GRIA3: variants seen among roughly 807,000 people sequenced by gnomAD.
GRIA3 encodes glutamate ionotropic receptor AMPA type subunit 3.
A neutral mutation model predicts 63.0 loss-of-function variants in GRIA3; 3 were observed. The observed-to-expected ratio is 0.05, with a 90% CI of 0.02 to 0.12. The LOEUF (loss-of-function observed/expected upper bound fraction) is 0.12, where lower values mean the gene tolerates loss of function less well. GRIA3 is among the 10% of genes least tolerant of loss of function. The pLI is 1.00. For synonymous variants in GRIA3, 274 were observed against 257.9 expected, an observed-to-expected ratio of 1.06 and a Z score of -0.60; for missense variants, 347 against 700.9, an observed-to-expected ratio of 0.50 and a Z score of 5.70.
chrX:123,289,667 C>A (rs2044643820), intron 3 of GRIA3, among the ~76,000 whole-genome samples: 1 of 109,657 alleles, frequency 9.1e-6, no homozygotes, highest in South Asian at 3.9e-4. Flanking sequence ...TAACTGACCA[C>A]CACTTCCCCT....
At chrX:123,261,410 A>G (rs1042441974) in intron 3 of GRIA3, among the ~76,000 whole-genome samples, 1 of 111,985 alleles carries the variant, frequency 8.9e-6, no homozygotes, top group Admixed American at 9.5e-5. Context: ...CAGTTTTCCT[A>G]TAAAGGTATT....
intron 2 of GRIA3, among the ~76,000 whole-genome samples, chrX:123,225,983 C>T (rs944310442): frequency 3.1e-4 from 35 of 111,599 alleles, no homozygotes; most frequent in African/African-American, 1.1e-3. Context: ...GTTTAATATC[C>T]CTTGATAAGA....
chrX:123,440,202 G>A (rs1352511569), intron 12 of GRIA3, among the ~76,000 whole-genome samples: 1 of 112,152 alleles, frequency 8.9e-6, no homozygotes, highest in African/African-American at 3.2e-5. Flanking sequence ...GTCATTGACG[G>A]GCATTTAAGT....
chrX:123,199,274 A>ATTTTTTTTT (rs5903635), intron 2 of GRIA3, among the ~76,000 whole-genome samples: 1 of 78,631 alleles, frequency 1.3e-5, no homozygotes, highest in Non-Finnish European at 2.4e-5. Flanking sequence ...AGTCTTTTAA[A>ATTTTTTTTT]TTTTTTTTTT....
At chrX:123,361,777 A>C (rs2045176491) in intron 5 of GRIA3, among the ~76,000 whole-genome samples, 1 of 111,522 alleles carries the variant, frequency 9.0e-6, no homozygotes, top group African/African-American at 3.3e-5. Flanking sequence ...AATTAAAAGC[A>C]TTTTATCTTC....
At chrX:123,346,644 G>C (rs755991583) in intron 4 of GRIA3, among the ~76,000 whole-genome samples, 9 of 112,151 alleles carry the variant, frequency 8.0e-5, no homozygotes, top group Non-Finnish European at 1.7e-4. Flanking sequence ...AGCAAATTAT[G>C]AGTTAATCAT....
chrX:123,232,935 T>C (rs1020489668), intron 2 of GRIA3, among the ~76,000 whole-genome samples: 1 of 111,116 alleles, frequency 9.0e-6, no homozygotes, highest in African/African-American at 3.3e-5. Context: ...ACCACACAGA[T>C]AATAAATCTA....
chrX:123,463,308 G>T (rs1370921478), intron 12 of GRIA3, among the ~76,000 whole-genome samples: 1 of 108,997 alleles, frequency 9.2e-6, no homozygotes, highest in African/African-American at 3.4e-5. Flanking sequence ...AACACTTTGG[G>T]AGGCTGAGGA....
In GRIA3 at chrX:123,383,028, G is replaced by T. The variant is rs763741803; in HGVS notation, c.751-11940G>T. The stretch of plus-strand genomic sequence containing the variant: ...TTTAAGATACAGGCCAAGCACAAGA[G>T]ATCCCATCCTTCACCCACAACAGCA... On this transcript the variant is annotated intron_variant, in intron 5 of 15. Transcript: ENST00000620443. Among the ~76,000 whole-genome samples the T allele has an allele frequency of 2.9e-3, 325 of 111,885 alleles. 3 individuals are homozygous for T. Among genetic ancestry groups the T allele is most frequent in the Middle Eastern group, 4.6e-3 (1 of 218 alleles).
chrX:123,383,646 T>C (rs768220242), intron 5 of GRIA3, among the ~76,000 whole-genome samples: 57 of 112,241 alleles, frequency 5.1e-4, no homozygotes, highest in African/African-American at 1.8e-3. Flanking sequence ...AGTTGTCCAT[T>C]GTGTGTATAT....
chrX:123,199,838 T>C (rs1181315688), intron 2 of GRIA3, among the ~76,000 whole-genome samples: 1 of 111,993 alleles, frequency 8.9e-6, no homozygotes, highest in Non-Finnish European at 1.9e-5. Flanking sequence ...CACCCTCTGA[T>C]CTATAGTCAA....
At chrX:123,340,567 A>T (rs1278514270) in intron 4 of GRIA3, among the ~76,000 whole-genome samples, 1 of 112,544 alleles carries the variant, frequency 8.9e-6, no homozygotes, top group Non-Finnish European at 1.9e-5. Context: ...AGGCTTCATG[A>T]GGGCAGGGTG....
At chrX:123,370,318 GA>G (rs1235799269) in intron 5 of GRIA3, among the ~76,000 whole-genome samples, 1 of 111,482 alleles carries the variant, frequency 9.0e-6, no homozygotes, top group Non-Finnish European at 1.9e-5. Context: ...TTACCTACAT[GA>G]AATTGTTGGG....
chrX:123,408,246 G>A (rs918270748), intron 10 of GRIA3, among the ~76,000 whole-genome samples: 10 of 111,849 alleles, frequency 8.9e-5, no homozygotes, highest in African/African-American at 3.3e-4. Context: ...GATTACAGGT[G>A]TGAGTCACCA....
intron 4 of GRIA3, among the ~76,000 whole-genome samples, chrX:123,353,167 T>C (rs1218519844): frequency 1.8e-5 from 2 of 111,516 alleles, no homozygotes; most frequent in Non-Finnish European, 3.8e-5. Context: ...AACTTAAACA[T>C]TGCCTCGTCC....
intron 5 of GRIA3, among the ~76,000 whole-genome samples, chrX:123,360,519 TAAAA>T (rs752270406): frequency 7.1e-5 from 3 of 42,343 alleles, no homozygotes; most frequent in Non-Finnish European, 1.2e-4. Flanking sequence ...TGTCTCTACT[TAAAA>T]AAAAAAAAAA....
At chrX:123,312,418 T>C (rs1184949536) in intron 3 of GRIA3, among the ~76,000 whole-genome samples, 1 of 111,894 alleles carries the variant, frequency 8.9e-6, no homozygotes, top group Non-Finnish European at 1.9e-5. Context: ...GTTTGTGGGA[T>C]GGAAGTGAGG....
At chrX:123,260,426 C>CAGACAGAA (rs1556255409) in intron 3 of GRIA3, among the ~76,000 whole-genome samples, 5 of 7,353 alleles carry the variant, frequency 6.8e-4, no homozygotes, top group African/African-American at 1.8e-3. Flanking sequence ...GACAGACAGA[C>CAGACAGAA]AGAAAGAAAG....
At chrX:123,400,393 T>C (rs1307427279) in intron 7 of GRIA3, among the ~76,000 whole-genome samples, 1 of 111,809 alleles carries the variant, frequency 8.9e-6, no homozygotes, top group East Asian at 2.8e-4. Flanking sequence ...CCAGAGAGGC[T>C]GGAAGGCATC....
Sources: gnomAD v4.1 joint callset for allele counts (sites outside exome capture counted in the v4.1 genomes callset) on GRCh38, gnomAD v4.1.1 for gene constraint, MANE v1.5 for transcripts, NCBI Gene and HGNC (gene_info 2026-07-23, HGNC 2026-07-21) for gene names.